Variants in WNT3A observed in about 807,000 individuals in gnomAD.
WNT3A encodes the protein Wnt family member 3A.
WNT3A carries 17 observed loss-of-function variants against 37.0 expected under a neutral mutation model. The observed-to-expected ratio is 0.46, with a 90% confidence interval of 0.31 to 0.69. WNT3A has a LOEUF of 0.69. Ranked by LOEUF, WNT3A falls within the 30% of genes least tolerant of loss-of-function variation. The pLI is 0.05. For missense variants in WNT3A, 411 were observed against 510.2 expected, an observed-to-expected ratio of 0.81 and a Z score of 1.87; for synonymous variants, 187 against 211.0, an observed-to-expected ratio of 0.89 and a Z score of 0.99.
chr1:228,027,603 C>T (rs1407583653), intron 2 of WNT3A, among the ~76,000 whole-genome samples: 1 of 152,114 alleles, frequency 6.6e-6, no homozygotes, highest in Non-Finnish European at 1.5e-5. Context: ...ATGTCCCTTA[C>T]CCACTTTTTA....
At chr1:228,015,640 G>A (rs1016638074) in intron 1 of WNT3A, among the ~76,000 whole-genome samples, 2 of 152,152 alleles carry the variant, frequency 1.3e-5, no homozygotes, top group African/African-American at 4.8e-5. Flanking sequence ...ACCTCACTGT[G>A]ATCCAGATCG....
Position 228,038,274 on chromosome 1 carries a change from C to CGGCTCCGGCG in WNT3A, c.314-12369_314-12360dup, listed in dbSNP as rs951318903. On this transcript the variant is annotated intron_variant, in intron 2 of 3. Transcript: ENST00000284523. This position sits in a 1 kb window ranked among gnomAD's most constrained non-coding sequence, Gnocchi z 5.7. ...CCCCCGAGGGGAGGCGCCCGGGCGT[C>CGGCTCCGGCG]GGCTCCGGCGGGCTCCGGCGGGGAC... Among the ~76,000 whole-genome samples the CGGCTCCGGCG allele has an allele frequency of 7.9e-5, 12 of 152,042 alleles. No individual in the cohort carries two copies. Among genetic ancestry groups the CGGCTCCGGCG allele is most frequent in the African/African-American group, 1.4e-4 (6 of 41,424 alleles).
intron 1 of WNT3A, among the ~76,000 whole-genome samples, chr1:228,019,108 C>T (rs902839777): frequency 1.3e-5 from 2 of 152,190 alleles, no homozygotes; most frequent in South Asian, 2.1e-4. Flanking sequence ...AGGGCCCACC[C>T]GGGAGGAGGG....
Position 228,039,457 on chromosome 1 carries a change from C to T in WNT3A, c.314-11199C>T, listed in dbSNP as rs2031222298. ...CATGGGGGGATGGCCATCAGCATAT[C>T]AGAGACACCCTCCCAACCCCCTTCT... On this transcript the variant is annotated intron_variant, in intron 2 of 3. Transcript: ENST00000284523. The surrounding 1 kb of genome is among the most constrained non-coding windows in gnomAD (Gnocchi z 4.1). Among the ~76,000 whole-genome samples, 1 of 152,186 alleles carries T rather than the reference C, an allele frequency of 6.6e-6. No homozygotes were observed. Among genetic ancestry groups the T allele is most frequent in the Non-Finnish European group, 1.5e-5 (1 of 68,024 alleles).
intron 2 of WNT3A, among the ~76,000 whole-genome samples, chr1:228,049,984 G>T (rs1433101776): frequency 1.3e-5 from 2 of 151,908 alleles, no homozygotes; most frequent in Non-Finnish European, 2.9e-5. Context: ...TTGCTACATT[G>T]CCAAGGCTGG....
intron 1 of WNT3A, among the ~76,000 whole-genome samples, chr1:228,009,880 G>C (rs781688853): frequency 1.9e-4 from 29 of 152,152 alleles, no homozygotes; most frequent in Non-Finnish European, 4.3e-4. Context: ...GCAGATGCCA[G>C]TGGTCCCAAG....
Position 228,008,848 on chromosome 1 carries a change from T to C in WNT3A, c.71+1649T>C, listed in dbSNP as rs929126023. 6.6e-6 allele frequency among the ~76,000 whole-genome samples: 1 copy of C among 152,178 alleles called. No individual in the cohort carries two copies. The highest frequency in any genetic ancestry group is 1.5e-5 in the Non-Finnish European group (1 of 68,020). On this transcript the variant is annotated intron_variant, in intron 1 of 3. Transcript: ENST00000284523. The surrounding 1 kb of genome is among the most constrained non-coding windows in gnomAD (Gnocchi z 4.9). The stretch of plus-strand genomic sequence containing the variant: ...TTGTCTTGTCGGCCCTGAGGGTTCC[T>C]AGCCTCGGTCCCCATCCACCTCATA...
intron 2 of WNT3A, among the ~76,000 whole-genome samples, chr1:228,046,511 T>C (rs748969972): frequency 6.7e-6 from 1 of 148,552 alleles, no homozygotes; most frequent in African/African-American, 2.5e-5. Context: ...ATGTGTATGG[T>C]ATTCATGTAT....
rs1237321018 is a variant in WNT3A at position 228,037,324 on chromosome 1, C to T, written c.314-13332C>T. Among the ~76,000 whole-genome samples the T allele has an allele frequency of 3.3e-5, 5 of 152,182 alleles. No individual in the cohort carries two copies. Among genetic ancestry groups the T allele is most frequent in the African/African-American group, 1.2e-4 (5 of 41,444 alleles). On this transcript the variant is annotated intron_variant, in intron 2 of 3. Transcript: ENST00000284523. The surrounding 1 kb of genome is among the most constrained non-coding windows in gnomAD (Gnocchi z 4.1). ...AGATTCCTGGTTGGTGCCCCAGGAC[C>T]CCTCCAGCCCCAAAGGGTGGGGAGA...
chr1:228,019,815 G>GT (rs1165820252), intron 1 of WNT3A, among the ~76,000 whole-genome samples: 1 of 152,242 alleles, frequency 6.6e-6, no homozygotes, highest in African/African-American at 2.4e-5. Context: ...AGTGCTGGAT[G>GT]TTTTGCAAGT....
intron 2 of WNT3A, among the ~76,000 whole-genome samples, chr1:228,045,283 G>GCC (rs1326575780): frequency 1.3e-5 from 2 of 152,194 alleles, no homozygotes; most frequent in African/African-American, 4.8e-5. Flanking sequence ...ACAGACTCTT[G>GCC]TAGTAGCCAG....
chr1:228,014,256 C>G (rs1558283899), intron 1 of WNT3A, among the ~76,000 whole-genome samples: 1 of 152,148 alleles, frequency 6.6e-6, no homozygotes, highest in Non-Finnish European at 1.5e-5. Context: ...CCCCATTTGA[C>G]AGATGGGGAA....
chr1:228,046,763 G>A (rs1411321524), intron 2 of WNT3A, among the ~76,000 whole-genome samples: 1 of 150,310 alleles, frequency 6.7e-6, no homozygotes, highest in Non-Finnish European at 1.5e-5. Flanking sequence ...CTTGTGTGTG[G>A]TGGGGTGTGC....
At chr1:228,049,501 G>A (rs900784576) in intron 2 of WNT3A, among the ~76,000 whole-genome samples, 2 of 152,148 alleles carry the variant, frequency 1.3e-5, no homozygotes, top group Non-Finnish European at 2.9e-5. Flanking sequence ...ACAAGTCTTT[G>A]CACAGACACG....
intron 2 of WNT3A, among the ~76,000 whole-genome samples, chr1:228,024,072 G>A (rs1393560308): frequency 7.9e-5 from 12 of 152,204 alleles, no homozygotes; most frequent in Non-Finnish European, 1.8e-4. Context: ...ATATGAGCGT[G>A]GTCTCCACCT....
chr1:228,023,229 A>C (rs1454581270), intron 2 of WNT3A, among the ~76,000 whole-genome samples: 1 of 152,242 alleles, frequency 6.6e-6, no homozygotes, highest in East Asian at 1.9e-4. Context: ...ACACAAACTT[A>C]AAGACCTACA....
At chr1:228,015,709 C>T (rs924452434) in intron 1 of WNT3A, among the ~76,000 whole-genome samples, 4 of 150,894 alleles carry the variant, frequency 2.7e-5, no homozygotes, top group African/African-American at 7.3e-5. Context: ...CCCCGCCTCC[C>T]CCCCACCCCC....
intron 1 of WNT3A, among the ~76,000 whole-genome samples, chr1:228,021,291 C>T (rs886296013): frequency 1.3e-5 from 2 of 152,222 alleles, no homozygotes; most frequent in Non-Finnish European, 2.9e-5. Context: ...TAATTTTAAA[C>T]TTAATTACAT....
chr1:228,019,105 AC>A (rs1157166114), intron 1 of WNT3A, among the ~76,000 whole-genome samples: 4 of 152,088 alleles, frequency 2.6e-5, no homozygotes, highest in Non-Finnish European at 4.4e-5. Context: ...GCCAGGGCCC[AC>A]CCGGGAGGAG....
Sources: allele counts gnomAD v4.1 joint callset (sites outside exome capture counted in the v4.1 genomes callset), GRCh38; gene constraint gnomAD v4.1.1; non-coding constraint Gnocchi (gnomAD v3.1); transcripts MANE v1.5; gene names NCBI Gene and HGNC (gene_info 2026-07-23, HGNC 2026-07-21).